The following SMYD1 variants were observed in gnomAD, a reference collection of about 807,000 sequenced individuals.
SMYD1 encodes the protein SET and MYND domain containing 1.
A neutral mutation model predicts 54.0 loss-of-function variants in SMYD1; 49 were observed. The ratio of observed to expected loss-of-function variants is 0.91; its 90% CI spans 0.72 to 1.15. The LOEUF is 1.15. Ranked by LOEUF, SMYD1 falls within the 50% of genes most tolerant of loss-of-function variation. The probability of loss-of-function intolerance (pLI) is 0.00; values close to 1 mark genes in which losing one functional copy is unlikely to be tolerated. For missense variants in SMYD1, 653 were observed against 639.6 expected, an observed-to-expected ratio of 1.02 and a Z score of -0.23; for synonymous variants, 269 against 234.2, an observed-to-expected ratio of 1.15 and a Z score of -1.36.
intron 6 of SMYD1, among the ~76,000 whole-genome samples, chr2:88,101,029 T>C (rs1674707975): frequency 6.6e-6 from 1 of 152,074 alleles, no homozygotes; most frequent in Non-Finnish European, 1.5e-5. Flanking sequence ...GAAGAACAAA[T>C]ATAGTACCCC....
chr2:88,091,312 A>G (rs1674457347), intron 4 of SMYD1, among the ~76,000 whole-genome samples, 170 bp downstream of exon 4: 1 of 152,234 alleles, frequency 6.6e-6, no homozygotes, highest in African/African-American at 2.4e-5. Flanking sequence ...AGAGAAAGGC[A>G]TCATGGAGGA....
chr2:88,088,084 C>A lies in SMYD1; in HGVS notation c.528+9C>A. On this transcript the variant is annotated intron_variant, in intron 3 of 9. Transcript: ENST00000419482. ...CGCACATCTTCGGAGTGGTAGGCCC[C>A]CTGCGTCCCTTCTCCATCCTCCCTG... 1 of 1,604,852 alleles carries A rather than the reference C, an allele frequency of 6.2e-7. No individual in the cohort carries two copies. The highest frequency in any genetic ancestry group is 8.5e-7 in the Non-Finnish European group (1 of 1,174,626).
In SMYD1 at chr2:88,073,336, G is replaced by A. The variant is rs374586104; in HGVS notation, c.137+5335G>A. Among the ~76,000 whole-genome samples the A allele has an allele frequency of 3.8e-4, 58 of 152,250 alleles. 3 individuals are homozygous for A. Among genetic ancestry groups the A allele is most frequent in the African/African-American group, 1.3e-3 (53 of 41,536 alleles). On this transcript the variant is annotated intron_variant, in intron 1 of 9. Transcript: ENST00000419482. ...TGATGGGCACCTGGGTTGTTTCCAT[G>A]TCCTTGCTACTGTGGATAGTGCTGT... is the stretch of plus-strand genomic sequence containing the variant.
intron 9 of SMYD1, 57 bp from the exon 10 acceptor site, chr2:88,110,297 G>C: frequency 6.5e-7 from 1 of 1,535,648 alleles, no homozygotes; most frequent in South Asian, 1.3e-5. Flanking sequence ...GTATATCAGA[G>C]ACCAGCATGT....
chr2:88,087,766 C>A (rs1184836754), intron 2 of SMYD1, 96 bp from the exon 3 acceptor site: 3 of 1,104,916 alleles, frequency 2.7e-6, no homozygotes, highest in African/African-American at 1.6e-5. Flanking sequence ...TATCTTGGGC[C>A]CAACATTGTG....
At chr2:88,104,670 G>C (rs1268960325) in intron 7 of SMYD1, among the ~76,000 whole-genome samples, 3 of 152,338 alleles carry the variant, frequency 2.0e-5, no homozygotes, top group Admixed American at 6.5e-5. Flanking sequence ...CCACCACCTC[G>C]GGTTGCCTCA....
intron 6 of SMYD1, among the ~76,000 whole-genome samples, chr2:88,101,990 AT>A (rs1674731769): frequency 6.6e-6 from 1 of 151,878 alleles, no homozygotes; most frequent in South Asian, 2.1e-4. Flanking sequence ...TTTAAATATT[AT>A]TTCTGTATGC....
intron 7 of SMYD1, among the ~76,000 whole-genome samples, chr2:88,104,654 T>C (rs1272393241): frequency 2.6e-5 from 4 of 152,204 alleles, no homozygotes; most frequent in Non-Finnish European, 5.9e-5. Flanking sequence ...CACCTCGGGG[T>C]GGCCCCCACC....
Position 88,101,816 on chromosome 2 carries a change from G to A in SMYD1, c.889-1242G>A, listed in dbSNP as rs186585381. On this transcript the variant is annotated intron_variant, in intron 6 of 9. Coordinates refer to ENST00000419482, the MANE Select transcript of SMYD1 (RefSeq NM_198274.4). ...AGCTTGGATTTCACCCTATTGTCCA[G>A]GTTGGTATCAAACTCCTGACCTCAG... 2.2e-4 allele frequency among the ~76,000 whole-genome samples: 34 copies of A among 152,274 alleles called. No homozygotes were observed. The East Asian group carries it at 6.4e-3, about 29-fold the overall frequency.
In SMYD1 at chr2:88,112,964, T is replaced by A. The variant is rs1476804803; in HGVS notation, c.*2452T>A. On this transcript the variant is annotated 3_prime_UTR_variant, in exon 10 of 10. Transcript: ENST00000419482. ...TTAATGACCACCTTAGGGCTGATGA[T>A]TCTCAAATCTGTATTCCCCGATCTT... 6.6e-6 allele frequency: 1 copy of A among 152,214 alleles called. No individual in the cohort carries two copies. The highest frequency in any genetic ancestry group is 1.9e-4 in the East Asian group (1 of 5,196). 9.4% of individuals were successfully genotyped at this position (152,214 alleles called of 1,614,324 possible). A position where few individuals can be genotyped will look rare whatever the true frequency, so the allele number is the denominator to read the frequency against.
intron 7 of SMYD1, among the ~76,000 whole-genome samples, chr2:88,104,151 A>G (rs1352735557): frequency 6.6e-6 from 1 of 152,078 alleles, no homozygotes; most frequent in African/African-American, 2.4e-5. Flanking sequence ...TACTTTCAGT[A>G]GAGAAGGGGT....
chr2:88,085,899 T>C (rs567585422), intron 2 of SMYD1, among the ~76,000 whole-genome samples: 1 of 152,178 alleles, frequency 6.6e-6, no homozygotes, highest in East Asian at 1.9e-4. Flanking sequence ...AGATGGTTGG[T>C]GATGGTTGCA....
rs200146059 is a variant in SMYD1 at position 88,075,158 on chromosome 2, AT to A, written c.137+7160del. ...CAGTCGACTTAGAATTCTGCTTTTC[AT>A]TTGGCACTTTTAGCTGCAGAGGCAA... On this transcript the variant is annotated intron_variant, in intron 1 of 9. Transcript: ENST00000419482. Among the ~76,000 whole-genome samples, 937 of 152,330 alleles carry A rather than the reference AT, an allele frequency of 6.2e-3. 3 individuals are homozygous for A. The highest frequency in any genetic ancestry group is 0.021 in the African/African-American group (879 of 41,578).
chr2:88,110,209 G>GTGTGTA, intron 9 of SMYD1, 145 bp from the exon 10 acceptor site: 1 of 750,242 alleles, frequency 1.3e-6, no homozygotes, highest in Non-Finnish European at 2.1e-6. Flanking sequence ...GAGTGTGTGT[G>GTGTGTA]TGTGTGTGTG....
At chr2:88,108,057 A>C (rs1674923052) in intron 8 of SMYD1, among the ~76,000 whole-genome samples, 1 of 152,204 alleles carries the variant, frequency 6.6e-6, no homozygotes, top group African/African-American at 2.4e-5. Context: ...TGTAGACTGG[A>C]GCTGTTCCTA....
intron 2 of SMYD1, among the ~76,000 whole-genome samples, chr2:88,085,076 C>T (rs1456712745): frequency 6.6e-6 from 1 of 151,940 alleles, no homozygotes; most frequent in Non-Finnish European, 1.5e-5. Flanking sequence ...TAAATTGATC[C>T]ACCAATGTTT....
At chr2:88,084,639 A>C (rs1674280163) in intron 2 of SMYD1, 147 bp downstream of exon 2, 1 of 704,910 alleles carries the variant, frequency 1.4e-6, no homozygotes, top group African/African-American at 1.8e-5. Context: ...ACTTCTCTTC[A>C]CTCCCTTAAG....
intron 6 of SMYD1, among the ~76,000 whole-genome samples, chr2:88,101,057 G>A (rs921317900): frequency 5.3e-5 from 8 of 152,236 alleles, no homozygotes; most frequent in African/African-American, 1.7e-4. Context: ...AGGAGAGCCT[G>A]ACCCTGAAGC....
chr2:88,091,166 T>G (rs1314969927), intron 4 of SMYD1, 24 bp downstream of exon 4: 14 of 1,609,498 alleles, frequency 8.7e-6, no homozygotes, highest in Admixed American at 6.7e-5. Context: ...TATGTGGGGG[T>G]GTGTGTGAAG....
Sources: allele counts gnomAD v4.1 joint callset (sites outside exome capture counted in the v4.1 genomes callset), GRCh38; gene constraint gnomAD v4.1.1; transcripts MANE v1.5; gene names NCBI Gene and HGNC (gene_info 2026-07-23, HGNC 2026-07-21).